Variants in CELSR3 observed in about 807,000 individuals in gnomAD.
CELSR3 encodes cadherin EGF LAG seven-pass G-type receptor 3.
A neutral mutation model predicts 270.0 loss-of-function variants in CELSR3; 73 were observed. The observed-to-expected ratio is 0.27, with a 90% CI of 0.22 to 0.33. The LOEUF is 0.33. Among genes scored for constraint, CELSR3 ranks in the 10% least tolerant of loss-of-function variants. CELSR3 has a pLI of 1.00. For synonymous variants in CELSR3, 1,780 were observed against 1,905.4 expected (o/e 0.93, Z 1.71); for missense variants, 3,614 against 4,533.8 (o/e 0.80, Z 5.83).
Position 48,646,047 on chromosome 3 carries a change from A to G in CELSR3, c.7463+43T>C. The G allele has an allele frequency of 1.9e-6, 3 of 1,605,844 alleles. No homozygotes were observed. The highest frequency in any genetic ancestry group is 2.6e-6 in the Non-Finnish European group (3 of 1,175,468). On this transcript the variant is annotated intron_variant, in intron 22 of 34. Coordinates refer to ENST00000164024, the MANE Select transcript of CELSR3 (RefSeq NM_001407.3). This position sits in a 1 kb window ranked among gnomAD's most constrained non-coding sequence, Gnocchi z 4.8. ...GGCTGGGACTATTAGTTGGCCTCCC[A>G]AGGGCTAACGGGACCAAGGGTTTCC...
rs1309383392 is a variant in CELSR3, at chr3:48,650,441, C to A, written c.6472+39G>T. On this transcript the variant is annotated intron_variant, in intron 16 of 34. Coordinates refer to ENST00000164024, the MANE Select transcript of CELSR3 (RefSeq NM_001407.3). The surrounding 1 kb of genome is among the most constrained non-coding windows in gnomAD (Gnocchi z 5.1). Reference sequence around the variant, plus strand: ...TCTAGCAGTCAGAGTACAGGCCCACCCCCACCCTCAGTGATGTCCTTTCCC... The same window carrying A: ...TCTAGCAGTCAGAGTACAGGCCCACACCCACCCTCAGTGATGTCCTTTCCC... The A allele has an allele frequency of 2.7e-6, 2 of 730,096 alleles. No individual in the cohort carries two copies. Among genetic ancestry groups the A allele is most frequent in the South Asian group, 1.4e-5 (1 of 70,068 alleles). 45.2% of individuals were successfully genotyped at this position (730,096 alleles called of 1,614,324 possible).
At position 48,638,277 on chromosome 3, in the gene CELSR3, C is replaced by A. The variant is rs1345920103; in HGVS notation, c.9912-45G>T. 2.9e-5 allele frequency: 44 copies of A among 1,518,340 alleles called. No individual in the cohort carries two copies. The East Asian group carries it at 9.2e-4, about 32-fold the overall frequency. The allele number at this position is 1,518,340 out of a possible 1,614,324, so 94.1% of individuals were successfully genotyped here. ...TCAGAGGTTGATGCCCAGAGGACTCCGAGTCAGGCGGCTCTGGACTCCCCC... is the reference window on the plus strand; with the variant it reads ...TCAGAGGTTGATGCCCAGAGGACTCAGAGTCAGGCGGCTCTGGACTCCCCC... On this transcript the variant is annotated intron_variant, in intron 34 of 34. Coordinates refer to ENST00000164024, the MANE Select transcript of CELSR3 (RefSeq NM_001407.3).
At position 48,659,650 on chromosome 3, in the gene CELSR3, C is replaced by A. The variant is rs750718288; in HGVS notation, c.2985G>T (p.Arg995=). 5 of 1,614,212 alleles carry A rather than the reference C, an allele frequency of 3.1e-6. No individual in the cohort carries two copies. The highest frequency in any genetic ancestry group is 4.2e-6 in the Non-Finnish European group (5 of 1,180,040). Residue 995 remains arginine, a synonymous_variant, in exon 1 of 35, where the codon CGG becomes CGT. Coordinates refer to ENST00000164024, the MANE Select transcript of CELSR3 (RefSeq NM_001407.3). The surrounding 1 kb of genome is among the most constrained non-coding windows in gnomAD (Gnocchi z 8.1). ...CACCATTCTGGAAAGTGTACTGGAC[C>A]CGGCCATTGGCATGAGCATCCCGGT... ...ATDRDAHANG[R]VQYTFQNGED...
chr3:48,644,683 G>A lies in CELSR3; in HGVS notation c.8085+33C>T. The A allele has an allele frequency of 6.5e-7, 1 of 1,548,972 alleles. No individual in the cohort carries two copies. The highest frequency in any genetic ancestry group is 8.9e-7 in the Non-Finnish European group (1 of 1,122,246). On this transcript the variant is annotated intron_variant, in intron 26 of 34. Coordinates refer to ENST00000164024, the MANE Select transcript of CELSR3 (RefSeq NM_001407.3). The surrounding 1 kb of genome is among the most constrained non-coding windows in gnomAD (Gnocchi z 4.8). ...CCTCCTCCCCCAATGAGGGAGGGAA[G>A]TACAGAGGGGGCACCAAGTCCAGGG...
intron 17 of CELSR3, 73 bp from the exon 18 acceptor site, chr3:48,649,001 T>C: frequency 6.4e-7 from 1 of 1,569,770 alleles, no homozygotes; most frequent in Non-Finnish European, 8.7e-7. Context: ...GAGAAAGCCT[T>C]GCCAGATTAA....
rs1393959859 is a variant in CELSR3, at chr3:48,636,566, AG to A, written c.*1638del. On this transcript the variant is annotated 3_prime_UTR_variant, in exon 35 of 35. Transcript: ENST00000164024. ...GGGCTGGAGGAGGGGAACCCCAGAG[AG>A]GGGCATCTACGAAACCTAGGACATA... The A allele has an allele frequency of 6.6e-6, 1 of 152,166 alleles. No individual in the cohort carries two copies. Among genetic ancestry groups the A allele is most frequent in the Non-Finnish European group, 1.5e-5 (1 of 68,032 alleles). The allele number at this position is 152,166 out of a possible 1,614,324, so 9.4% of individuals were successfully genotyped here. A position where few individuals can be genotyped will look rare whatever the true frequency, so the allele number is the denominator to read the frequency against.
Position 48,648,286 on chromosome 3 carries a change from C to G in CELSR3, c.6953G>C (p.Gly2318Ala). The G allele has an allele frequency of 6.2e-7, 1 of 1,611,292 alleles. No homozygotes were observed. The highest frequency in any genetic ancestry group is 1.1e-5 in the South Asian group (1 of 91,054). The change falls in exon 19 of 35, where the codon GGG (glycine) becomes GCG (alanine). Residue 2318 changes from glycine (G) to alanine (A), a missense_variant. Physicochemically the swap from Gly to Ala is moderately conservative, Grantham distance 60. This residue lies in a region of CELSR3 where 1,240 missense variants were observed against 1,351.7 expected (regional missense o/e 0.92). Transcript: ENST00000164024. ...NMELTYLNPM[G>A]LVTPNIMLSI... The stretch of plus-strand genomic sequence containing the variant: ...CGCACTGATATTAGGCGTCACCAGC[C>G]CCATGGGATTCAGGTATGTGAGTTC...
At position 48,642,599 on chromosome 3, in the gene CELSR3, A is replaced by G; in HGVS notation, c.8556-132T>C. ...TGGGTGTGTGTGGTGGGAAGCATTTAGGGCAGAGGCAGAAGCAGGGCCCCA... is the reference window on the plus strand; with the variant it reads ...TGGGTGTGTGTGGTGGGAAGCATTTGGGGCAGAGGCAGAAGCAGGGCCCCA... On this transcript the variant is annotated intron_variant, in intron 30 of 34. Transcript: ENST00000164024. This position sits in a 1 kb window ranked among gnomAD's most constrained non-coding sequence, Gnocchi z 6.1. The G allele has an allele frequency of 1.4e-6, 2 of 1,438,450 alleles. No individual in the cohort carries two copies. The highest frequency in any genetic ancestry group is 4.2e-4 in the Middle Eastern group (2 of 4,770). The allele number at this position is 1,438,450 out of a possible 1,614,324, so 89.1% of individuals were successfully genotyped here. A position where few individuals can be genotyped will look rare whatever the true frequency, so the allele number is the denominator to read the frequency against.
chr3:48,660,409 G>A lies in CELSR3; in HGVS notation c.2226C>T (p.Val742=). The A allele has an allele frequency of 6.2e-7, 1 of 1,614,086 alleles. No individual in the cohort carries two copies. Among genetic ancestry groups the A allele is most frequent in the Non-Finnish European group, 8.5e-7 (1 of 1,180,028 alleles). ...CATTAACGTCCAGCACAGTCACGGTGACACTGGCTGAGGCAGAGAGTGGGG... is the reference window on the plus strand; with the variant it reads ...CATTAACGTCCAGCACAGTCACGGTAACACTGGCTGAGGCAGAGAGTGGGG... The part of the protein sequence containing the change: ...GSPPLSASAS[V]TVTVLDVNDN... The change falls in exon 1 of 35, where the codon GTC becomes GTT. Residue 742 remains valine (V), a synonymous_variant. Coordinates refer to ENST00000164024, the MANE Select transcript of CELSR3 (RefSeq NM_001407.3). This position sits in a 1 kb window ranked among gnomAD's most constrained non-coding sequence, Gnocchi z 5.5.
At position 48,637,925 on chromosome 3, in the gene CELSR3, C is replaced by T; in HGVS notation, c.*280G>A. 1 of 442,994 alleles carries T rather than the reference C, an allele frequency of 2.3e-6. No homozygotes were observed. The highest frequency in any genetic ancestry group is 3.7e-5 in the South Asian group (1 of 27,298). 27.4% of individuals were successfully genotyped at this position (442,994 alleles called of 1,614,324 possible). ...CCCCTCCCAGCCCAGCCTCAAACCCCCCAGGAGACAGAAAAGCTGAAAAAT... is the reference window on the plus strand; with the variant it reads ...CCCCTCCCAGCCCAGCCTCAAACCCTCCAGGAGACAGAAAAGCTGAAAAAT... On this transcript the variant is annotated 3_prime_UTR_variant, in exon 35 of 35. Coordinates refer to ENST00000164024, the MANE Select transcript of CELSR3 (RefSeq NM_001407.3).
chr3:48,661,816 G>T lies in CELSR3; in HGVS notation c.819C>A (p.Pro273=), dbSNP rs746590316. 4.3e-6 allele frequency: 7 copies of T among 1,609,198 alleles called. No individual in the cohort carries two copies. The African/African-American group carries it at 9.3e-5, about 21-fold the overall frequency. The change falls in exon 1 of 35, where the codon CCC becomes CCA. Residue 273 remains proline (P), a synonymous_variant. Transcript: ENST00000164024. ...AGAGACCCCGGGAGCGCATGCGCTT[G>T]GGCGCCGGCTCGGGAGCTGTCCGAG... ...RESRTAPEPA[P]KRMRSRGLFR... is the part of the protein sequence containing the mutation.
Position 48,652,987 on chromosome 3 carries a change from G to T in CELSR3, c.5634+15C>A, listed in dbSNP as rs774805332. ...GAAGGCTGAGAACAGACTACCCCGG[G>T]GTCAGAGGCCAGACCTGGAAGAGGC... On this transcript the variant is annotated intron_variant, in intron 10 of 34. Coordinates refer to ENST00000164024, the MANE Select transcript of CELSR3 (RefSeq NM_001407.3). This position sits in a 1 kb window ranked among gnomAD's most constrained non-coding sequence, Gnocchi z 4.3. The T allele has an allele frequency of 6.2e-7, 1 of 1,610,618 alleles. No homozygotes were observed. Among genetic ancestry groups the T allele is most frequent in the South Asian group, 1.1e-5 (1 of 90,992 alleles).
chr3:48,660,971 C>G lies in CELSR3; in HGVS notation c.1664G>C (p.Arg555Pro). ...FSEKRYVAQVREDVRPHTVVL... is the reference protein window; with the variant it reads ...FSEKRYVAQVPEDVRPHTVVL... ...GACTGTGTGGGGGCGCACATCCTCG[C>G]GCACCTGCGCCACGTAGCGCTTCTC... is the stretch of plus-strand genomic sequence containing the variant. The change falls in exon 1 of 35, where the codon CGC (arginine) becomes CCC (proline). Residue 555 changes from arginine to proline, a missense_variant. By Grantham distance (103) the Arg-to-Pro change is moderately radical (BLOSUM62 -2). Around this residue, in one of 7 missense-constraint regions of CELSR3, gnomAD observed 354 missense variants for 500.9 expected, o/e 0.71. Coordinates refer to ENST00000164024, the MANE Select transcript of CELSR3 (RefSeq NM_001407.3). This position sits in a 1 kb window ranked among gnomAD's most constrained non-coding sequence, Gnocchi z 5.5. 6.2e-7 allele frequency: 1 copy of G among 1,613,910 alleles called. No homozygotes were observed. The highest frequency in any genetic ancestry group is 1.3e-5 in the African/African-American group (1 of 75,080).
intron 20 of CELSR3, 88 bp downstream of exon 20, chr3:48,647,753 G>T (rs1364025632): frequency 7.3e-7 from 1 of 1,378,488 alleles, no homozygotes; most frequent in Non-Finnish European, 1.0e-6. Context: ...GGTCTAGAAA[G>T]GGGAAAATTG....
In CELSR3 at chr3:48,661,693, G is replaced by C; in HGVS notation, c.942C>G (p.Arg314=). 2 of 1,578,912 alleles carry C rather than the reference G, an allele frequency of 1.3e-6. No homozygotes were observed. Among genetic ancestry groups the C allele is most frequent in the Non-Finnish European group, 1.7e-6 (2 of 1,161,206 alleles). Residue 314 remains arginine, a synonymous_variant, in exon 1 of 35, where the codon CGC becomes CGG. Transcript: ENST00000164024. ...GGTGGCGGTTTGCGGCGCGACGAAA[G>C]CGTGCCCGGTTCGCCGAGGTTACTT... The part of the protein sequence containing the change: ...ARKVTSANRA[R]FRRAANRHPQ...
In CELSR3 at chr3:48,656,914, G is replaced by A. The variant is rs376427597; in HGVS notation, c.4183C>T (p.Arg1395Cys). The A allele has an allele frequency of 3.1e-6, 5 of 1,610,728 alleles. No individual in the cohort carries two copies. Among genetic ancestry groups the A allele is most frequent in the African/African-American group, 1.3e-5 (1 of 75,012 alleles). Residue 1395 changes from arginine (R) to cysteine (C), a missense_variant, in exon 2 of 35, where the codon CGC (arginine) becomes TGC (cysteine). By Grantham distance (180) the Arg-to-Cys change is radical (BLOSUM62 -3). Transcript: ENST00000164024. ...AGGAAGGGCGCGGACGAGTCAAAGC[G>A]GAGCACGGACACGCATTTCATGTAG... Reference protein sequence around the residue: ...ENYMKCVSVLRFDSSAPFLAS... With the variant: ...ENYMKCVSVLCFDSSAPFLAS...
Position 48,659,314 on chromosome 3 carries a change from C to T in CELSR3, c.3321G>A (p.Val1107=). The T allele has an allele frequency of 1.2e-6, 2 of 1,614,188 alleles. No individual in the cohort carries two copies. ...GPNAHIMYQI[V]EGNIPELFQM... ...GGAACAGCTCAGGGATGTTCCCCTCCACGATCTGGTACATTATATGGGCAT... is the reference window on the plus strand; with the variant it reads ...GGAACAGCTCAGGGATGTTCCCCTCTACGATCTGGTACATTATATGGGCAT... The change falls in exon 1 of 35, where the codon GTG becomes GTA. Residue 1107 remains valine, a synonymous_variant. Transcript: ENST00000164024. The surrounding 1 kb of genome is among the most constrained non-coding windows in gnomAD (Gnocchi z 8.1).
rs2047133613 is a variant in CELSR3 at position 48,651,130 on chromosome 3, G to A, written c.6187-55C>T. The A allele has an allele frequency of 6.6e-7, 1 of 1,511,606 alleles. No homozygotes were observed. The highest frequency in any genetic ancestry group is 8.9e-7 in the Non-Finnish European group (1 of 1,121,988). 93.6% of individuals were successfully genotyped at this position (1,511,606 alleles called of 1,614,324 possible). A position where few individuals can be genotyped will look rare whatever the true frequency, so the allele number is the denominator to read the frequency against. On this transcript the variant is annotated intron_variant, in intron 14 of 34. Coordinates refer to ENST00000164024, the MANE Select transcript of CELSR3 (RefSeq NM_001407.3). This position sits in a 1 kb window ranked among gnomAD's most constrained non-coding sequence, Gnocchi z 7.4. ...TCAGAGGTCAGGGCTTGGGGAATGA[G>A]TGGAATCAAGGATAAAGGGTCAAGA...
Position 48,660,463 on chromosome 3 carries a change from A to G in CELSR3, c.2172T>C (p.Phe724=), listed in dbSNP as rs2077058211. 6.2e-7 allele frequency: 1 copy of G among 1,614,138 alleles called. No individual in the cohort carries two copies. The change falls in exon 1 of 35, where the codon TTT becomes TTC. Residue 724 remains phenylalanine (F), a synonymous_variant. Coordinates refer to ENST00000164024, the MANE Select transcript of CELSR3 (RefSeq NM_001407.3). This position sits in a 1 kb window ranked among gnomAD's most constrained non-coding sequence, Gnocchi z 5.5. ...AGCCATGGTCTCGAGCCTCCACACC[A>G]AAGAAGTAATGCTCCACAGACTCAC... ...LDRESVEHYF[F]GVEARDHGSP...
Sources: gnomAD v4.1 joint callset for allele counts on GRCh38, gnomAD v4.1.1 for gene constraint, gnomAD v4.1.1 regional missense constraint, Gnocchi (gnomAD v3.1) non-coding constraint, MANE v1.5 for transcripts, NCBI Gene and HGNC (gene_info 2026-07-23, HGNC 2026-07-21) for gene names.